The following PARP14 variants were observed in gnomAD, a reference collection of about 807,000 sequenced individuals.
PARP14 encodes the protein protein mono-ADP-ribosyltransferase PARP14.
In PARP14, 59 loss-of-function variants were observed where a neutral mutation model predicts 154.2. That is an observed-to-expected ratio of 0.38 (90% CI 0.31 to 0.48). The LOEUF (loss-of-function observed/expected upper bound fraction) is 0.48. Ranked by LOEUF, PARP14 falls within the 20% of genes least tolerant of loss-of-function variation. The probability of loss-of-function intolerance (pLI) is 0.98; values close to 1 mark genes in which losing one functional copy is unlikely to be tolerated. For synonymous variants in PARP14, 720 were observed against 780.5 expected (o/e 0.92, Z 1.29); for missense variants, 1,734 against 2,131.6 (o/e 0.81, Z 3.67).
At chr3:122,686,919 G>A in intron 2 of PARP14, 161 bp from the exon 3 acceptor site, 1 of 536,440 alleles carries the variant, frequency 1.9e-6, no homozygotes, top group Non-Finnish European at 3.3e-6. Context: ...AAGTGAATAT[G>A]CCACTATATA....
chr3:122,697,090 G>A (rs1938803209), intron 5 of PARP14, among the ~76,000 whole-genome samples: 2 of 152,156 alleles, frequency 1.3e-5, no homozygotes, highest in African/African-American at 4.8e-5. Context: ...GTAGCTGGGA[G>A]TACAGGTGCA....
intron 15 of PARP14, chr3:122,720,830 G>C: frequency 2.2e-6 from 1 of 456,820 alleles, no homozygotes; most frequent in African/African-American, 2.0e-5. Flanking sequence ...TTGGGCAGGT[G>C]AATGTGATGA....
chr3:122,687,655 G>T (rs1448340998), intron 3 of PARP14, among the ~76,000 whole-genome samples: 1 of 152,208 alleles, frequency 6.6e-6, no homozygotes, highest in African/African-American at 2.4e-5. Context: ...CTAGGAAACA[G>T]CCAGCGACCA....
At chr3:122,688,280 C>G (rs557897202) in intron 3 of PARP14, among the ~76,000 whole-genome samples, 1 of 152,302 alleles carries the variant, frequency 6.6e-6, no homozygotes, top group South Asian at 2.1e-4. Flanking sequence ...TATTCTTGCT[C>G]TATAGCCCTA....
intron 3 of PARP14, among the ~76,000 whole-genome samples, chr3:122,687,622 C>T (rs151131191): frequency 3.9e-5 from 6 of 152,316 alleles, no homozygotes; most frequent in Middle Eastern, 3.4e-3. Context: ...CCAAAGACAG[C>T]AGCTCTTCTG....
At chr3:122,684,887 T>A (rs891788320) in intron 1 of PARP14, among the ~76,000 whole-genome samples, 1 of 152,220 alleles carries the variant, frequency 6.6e-6, no homozygotes, top group Non-Finnish European at 1.5e-5. Flanking sequence ...TTCAATTTAA[T>A]ACACGTGGCA....
chr3:122,720,205 C>T (rs373601479), intron 14 of PARP14, 50 bp from the exon 15 acceptor site: 2 of 1,571,050 alleles, frequency 1.3e-6, no homozygotes, highest in Non-Finnish European at 1.7e-6. Flanking sequence ...CTAAATGTTC[C>T]AGAGTGTACC....
In PARP14 at chr3:122,708,247, C is replaced by G. The variant is rs542936400; in HGVS notation, c.3598C>G (p.Pro1200Ala). The change falls in exon 9 of 17, where the codon CCG (proline) becomes GCG (alanine). Residue 1200 changes from proline to alanine, a missense_variant. Transcript: ENST00000474629. ...ANGNLVSDKIPKAKDTQGFYG... is the reference protein window; with the variant it reads ...ANGNLVSDKIAKAKDTQGFYG... The stretch of plus-strand genomic sequence containing the variant: ...TGGAAATCTCGTCAGTGACAAAATT[C>G]CGAAGGCTAAAGATACACAAGGTTC... 6.4e-6 allele frequency: 10 copies of G among 1,568,272 alleles called. No individual in the cohort carries two copies. The highest frequency in any genetic ancestry group is 1.7e-4 in the Middle Eastern group (1 of 5,984).
At chr3:122,691,835 A>G (rs910676237) in intron 3 of PARP14, among the ~76,000 whole-genome samples, 1 of 152,240 alleles carries the variant, frequency 6.6e-6, no homozygotes. Flanking sequence ...TAATAAAATT[A>G]AACTTCAATT....
At chr3:122,688,044 G>T (rs1369551001) in intron 3 of PARP14, among the ~76,000 whole-genome samples, 2 of 152,092 alleles carry the variant, frequency 1.3e-5, no homozygotes, top group African/African-American at 4.8e-5. Flanking sequence ...AATTTAGTAT[G>T]CATGGCTTTC....
At chr3:122,726,850 A>G (rs749515989) in intron 15 of PARP14, among the ~76,000 whole-genome samples, 3 of 151,070 alleles carry the variant, frequency 2.0e-5, no homozygotes, top group Non-Finnish European at 2.9e-5. Context: ...AGGCATTTTG[A>G]AGATTAGAAA....
In PARP14 at chr3:122,692,290, C is replaced by G. The variant is rs1414518286; in HGVS notation, c.356-11C>G. 1.2e-6 allele frequency: 2 copies of G among 1,606,468 alleles called. No homozygotes were observed. The highest frequency in any genetic ancestry group is 1.7e-6 in the Non-Finnish European group (2 of 1,174,648). On this transcript the variant is annotated splice_polypyrimidine_tract_variant and intron_variant, in intron 3 of 16. Coordinates refer to ENST00000474629, the MANE Select transcript of PARP14 (RefSeq NM_017554.3). ...TAACATCTTGTACCTCTTTTGTCTT[C>G]CTAAAATCAGATGTGTCAGAAGAAT... is the stretch of plus-strand genomic sequence containing the variant.
intron 12 of PARP14, among the ~76,000 whole-genome samples, chr3:122,717,638 G>C (rs145372983): frequency 1.3e-5 from 2 of 152,206 alleles, no homozygotes; most frequent in South Asian, 4.1e-4. Flanking sequence ...AGTGATGACT[G>C]ATCCTAAAAA....
rs1200264129 is a variant in PARP14, at chr3:122,701,021, T to C, written c.2467T>C (p.Ser823Pro). 1 of 1,613,892 alleles carries C rather than the reference T, an allele frequency of 6.2e-7. No homozygotes were observed. Among genetic ancestry groups the C allele is most frequent in the Admixed American group, 1.7e-5 (1 of 60,004 alleles). Reference sequence around the variant, plus strand: ...TCCTGTCGATGTGGTGGTGAATGCATCTAATGAGGACCTTAAGCATTATGG... The same window carrying C: ...TCCTGTCGATGTGGTGGTGAATGCACCTAATGAGGACCTTAAGCATTATGG... ...RLPVDVVVNA[S>P]NEDLKHYGGL... The change falls in exon 6 of 17, where the codon TCT becomes CCT. Residue 823 changes from serine to proline, a missense_variant. This residue lies in a region of PARP14 where 1,646 missense variants were observed against 1,976.0 expected (regional missense o/e 0.83). Transcript: ENST00000474629. This position sits in a 1 kb window ranked among gnomAD's most constrained non-coding sequence, Gnocchi z 4.0.
At chr3:122,712,500 G>A (rs771011798) in intron 9 of PARP14, among the ~76,000 whole-genome samples, 4 of 151,764 alleles carry the variant, frequency 2.6e-5, no homozygotes, top group East Asian at 3.9e-4. Context: ...CACCTGCCTC[G>A]GCCTCCCAAA....
intron 2 of PARP14, 141 bp downstream of exon 2, chr3:122,685,459 A>T: frequency 1.4e-6 from 1 of 694,870 alleles, no homozygotes; most frequent in Non-Finnish European, 2.4e-6. Flanking sequence ...ATGTAGGGGG[A>T]GTGAGGGCAG....
At chr3:122,705,561 A>C (rs1939128513) in intron 8 of PARP14, among the ~76,000 whole-genome samples, 1 of 152,230 alleles carries the variant, frequency 6.6e-6, no homozygotes, top group African/African-American at 2.4e-5. Flanking sequence ...TGGACTCAGC[A>C]TTATGGCAGC....
In PARP14 at chr3:122,699,469, C is replaced by T; in HGVS notation, c.915C>T (p.Gly305=). The stretch of plus-strand genomic sequence containing the variant: ...TGTTCCCATACTATGCCTCATTGGG[C>T]ACAGCCTTGTATGGAAAGGAGAAGC... ...LSVFPYYASL[G]TALYGKEKPL... The change falls in exon 6 of 17, where the codon GGC becomes GGT. Residue 305 remains glycine, a synonymous_variant. Transcript: ENST00000474629. 6.2e-7 allele frequency: 1 copy of T among 1,613,692 alleles called. No homozygotes were observed. Among genetic ancestry groups the T allele is most frequent in the Non-Finnish European group, 8.5e-7 (1 of 1,179,588 alleles).
chr3:122,719,876 CTT>C (rs1221433048), intron 14 of PARP14, among the ~76,000 whole-genome samples: 13 of 152,178 alleles, frequency 8.5e-5, no homozygotes, highest in Non-Finnish European at 2.9e-5. Flanking sequence ...ACAGCAACTA[CTT>C]AGAACACTGT....
Sources: gnomAD v4.1 joint callset for allele counts (sites outside exome capture counted in the v4.1 genomes callset) on GRCh38, gnomAD v4.1.1 for gene constraint, gnomAD v4.1.1 regional missense constraint, Gnocchi (gnomAD v3.1) non-coding constraint, MANE v1.5 for transcripts, NCBI Gene and HGNC (gene_info 2026-07-23, HGNC 2026-07-21) for gene names.